Variants in MGAT4C observed in about 807,000 individuals in gnomAD.
The protein encoded by MGAT4C is MGAT4 family member C.
MGAT4C carries 19 observed loss-of-function variants against 40.1 expected under a neutral mutation model. That is an observed-to-expected ratio of 0.47 (90% CI 0.33 to 0.70). The LOEUF (loss-of-function observed/expected upper bound fraction) is 0.70. Ranked by LOEUF, MGAT4C falls within the 30% of genes least tolerant of loss-of-function variation. MGAT4C has a pLI of 0.02. For synonymous variants in MGAT4C, 181 were observed against 187.1 expected (o/e 0.97, Z 0.27); for missense variants, 491 against 563.2 (o/e 0.87, Z 1.30).
chr12:86,575,453 G>C (rs1476080742), intron 2 of MGAT4C, among the ~76,000 whole-genome samples: 1 of 151,822 alleles, frequency 6.6e-6, no homozygotes, highest in African/African-American at 2.4e-5. Flanking sequence ...ACAAATAAAT[G>C]AGAACATGTG....
At chr12:86,272,593 A>G (rs892072165) in intron 4 of MGAT4C, among the ~76,000 whole-genome samples, 3 of 152,112 alleles carry the variant, frequency 2.0e-5, no homozygotes, top group African/African-American at 7.2e-5. Context: ...GCTCATGCCT[A>G]TAATTCCAGT....
chr12:86,647,932 T>C (rs1963588054), intron 2 of MGAT4C, among the ~76,000 whole-genome samples: 1 of 151,936 alleles, frequency 6.6e-6, no homozygotes, highest in African/African-American at 2.4e-5. Flanking sequence ...TTTGTTTAAA[T>C]AAACTTAGTC....
chr12:86,566,694 T>C (rs1040081505), intron 2 of MGAT4C, among the ~76,000 whole-genome samples: 14 of 146,220 alleles, frequency 9.6e-5, no homozygotes, highest in African/African-American at 3.5e-4. Context: ...GTATATATTA[T>C]ATGTATTATA....
intron 2 of MGAT4C, among the ~76,000 whole-genome samples, chr12:86,688,256 G>A (rs2136592457): frequency 6.7e-6 from 1 of 148,434 alleles, no homozygotes; most frequent in Non-Finnish European, 1.5e-5. Context: ...CATGAAATGG[G>A]TCTCCTGAAT....
chr12:86,405,055 G>A (rs975720020), intron 3 of MGAT4C, among the ~76,000 whole-genome samples: 1 of 151,886 alleles, frequency 6.6e-6, no homozygotes, highest in South Asian at 2.1e-4. Flanking sequence ...AAGAAAAAAA[G>A]TTTTCAGAAA....
At chr12:86,452,179 G>A (rs1271154267) in intron 2 of MGAT4C, among the ~76,000 whole-genome samples, 1 of 151,706 alleles carries the variant, frequency 6.6e-6, no homozygotes, top group South Asian at 2.1e-4. Flanking sequence ...TACTAACTAG[G>A]GCCATTCTTT....
chr12:86,548,540 A>G (rs1262588462), intron 2 of MGAT4C, among the ~76,000 whole-genome samples: 9 of 152,132 alleles, frequency 5.9e-5, no homozygotes, highest in Admixed American at 5.9e-4. Context: ...GAACTATCTT[A>G]ATGGTCTACT....
At chr12:86,152,191 C>G (rs1426323178) in intron 1 of MGAT4C, among the ~76,000 whole-genome samples, 5 of 152,184 alleles carry the variant, frequency 3.3e-5, no homozygotes, top group Admixed American at 1.3e-4. Context: ...AGCTTATTGT[C>G]TTAGTCTGTT....
upstream of MGAT4C, among the ~76,000 whole-genome samples, chr12:86,257,615 T>G (rs1254362717): frequency 1.3e-5 from 2 of 152,236 alleles, no homozygotes; most frequent in African/African-American, 4.8e-5. Flanking sequence ...GGCAAATACT[T>G]GTTACATTCC....
At chr12:86,475,693 T>C (rs1031502608) in intron 2 of MGAT4C, among the ~76,000 whole-genome samples, 2 of 152,052 alleles carry the variant, frequency 1.3e-5, no homozygotes, top group African/African-American at 2.4e-5. Context: ...AAATAATTTA[T>C]GTTAATAGAA....
At chr12:86,367,712 T>G (rs1257191484) in intron 3 of MGAT4C, among the ~76,000 whole-genome samples, 1 of 152,140 alleles carries the variant, frequency 6.6e-6, no homozygotes, top group East Asian at 1.9e-4. Context: ...GGCAGGAGAA[T>G]GGCGTGAATC....
intron 2 of MGAT4C, among the ~76,000 whole-genome samples, chr12:86,492,222 C>T (rs1322061356): frequency 6.6e-6 from 1 of 152,148 alleles, no homozygotes; most frequent in Non-Finnish European, 1.5e-5. Flanking sequence ...CCATATTGCC[C>T]AAGGTAAGTT....
chr12:86,159,582 T>C (rs1454641567), intron 1 of MGAT4C, among the ~76,000 whole-genome samples: 2 of 152,076 alleles, frequency 1.3e-5, no homozygotes, highest in Non-Finnish European at 1.5e-5. Flanking sequence ...CTTTTTGGAA[T>C]GATTTTAGTA....
chr12:86,204,297 T>A (rs967283845), intron 1 of MGAT4C, among the ~76,000 whole-genome samples: 1 of 152,000 alleles, frequency 6.6e-6, no homozygotes, highest in African/African-American at 2.4e-5. Context: ...AGTATGTGAG[T>A]GAATTTAAAT....
intron 1 of MGAT4C, among the ~76,000 whole-genome samples, chr12:86,254,578 G>T (rs1279247148): frequency 6.6e-6 from 1 of 151,890 alleles, no homozygotes; most frequent in Admixed American, 6.6e-5. Flanking sequence ...GTACCACTGG[G>T]TTTTTCAACT....
chr12:86,540,065 C>A (rs980893694), intron 2 of MGAT4C, among the ~76,000 whole-genome samples: 8 of 152,102 alleles, frequency 5.3e-5, no homozygotes, highest in African/African-American at 1.9e-4. Flanking sequence ...GTTGCCATTG[C>A]TTTTGGTGTT....
chr12:86,759,899 C>A (rs1951371567), intron 1 of MGAT4C, among the ~76,000 whole-genome samples: 2 of 151,964 alleles, frequency 1.3e-5, no homozygotes, highest in South Asian at 4.1e-4. Flanking sequence ...TTTATGGAAT[C>A]TCATATGTGA....
At chr12:86,487,530 T>C (rs1417158663) in intron 2 of MGAT4C, among the ~76,000 whole-genome samples, 1 of 152,192 alleles carries the variant, frequency 6.6e-6, no homozygotes, top group Non-Finnish European at 1.5e-5. Context: ...TGTTTATAAT[T>C]GTGCTCTTTT....
At chr12:86,066,711 G>A (rs1376706513) in intron 1 of MGAT4C, among the ~76,000 whole-genome samples, 2 of 152,084 alleles carry the variant, frequency 1.3e-5, no homozygotes, top group African/African-American at 2.4e-5. Flanking sequence ...TTGACAAACG[G>A]GATCTAATTA....
Sources: gnomAD v4.1 joint callset for allele counts (sites outside exome capture counted in the v4.1 genomes callset) on GRCh38, gnomAD v4.1.1 for gene constraint, MANE v1.5 for transcripts, NCBI Gene and HGNC (gene_info 2026-07-23, HGNC 2026-07-21) for gene names.